The following PRDM16 variants were observed in gnomAD, a reference collection of about 807,000 sequenced individuals.
PRDM16 encodes the protein PR/SET domain 16.
PRDM16 carries 23 observed loss-of-function variants against 110.6 expected under a neutral mutation model. That is an observed-to-expected ratio of 0.21 (90% CI 0.15 to 0.29). The LOEUF (loss-of-function observed/expected upper bound fraction) is 0.29. Ranked by LOEUF, PRDM16 falls within the 10% of genes least tolerant of loss-of-function variation. The probability of loss-of-function intolerance (pLI) is 1.00; values close to 1 mark genes in which losing one functional copy is unlikely to be tolerated. For synonymous variants in PRDM16, 799 were observed against 781.8 expected (o/e 1.02, Z -0.37); for missense variants, 1,615 against 1,794.3 (o/e 0.90, Z 1.81).
chr1:3,103,368 C>T (rs912233567), intron 1 of PRDM16, among the ~76,000 whole-genome samples: 15 of 152,212 alleles, frequency 9.9e-5, no homozygotes, highest in African/African-American at 2.4e-4. Context: ...GATTAGGGCC[C>T]GTCCTAATGA....
intron 1 of PRDM16, among the ~76,000 whole-genome samples, chr1:3,181,164 G>T (rs980476703): frequency 6.5e-5 from 2 of 30,864 alleles, no homozygotes; most frequent in African/African-American, 1.0e-4. Context: ...TCTTACACGC[G>T]GTCTTACGGT....
intron 2 of PRDM16, among the ~76,000 whole-genome samples, chr1:3,241,500 G>C (rs1639673623): frequency 1.3e-5 from 2 of 152,220 alleles, no homozygotes. Context: ...GACGCCACAC[G>C]GTATGACTGG....
At position 3,201,370 on chromosome 1, in the gene PRDM16, G is replaced by A. The variant is rs796995050; in HGVS notation, c.387+14896G>A. On this transcript the variant is annotated intron_variant, in intron 2 of 16. Transcript: ENST00000270722. This position sits in a 1 kb window ranked among gnomAD's most constrained non-coding sequence, Gnocchi z 4.1. Reference sequence around the variant, plus strand: ...AGATGCAGCCTCGGCGCTCAGAGGCGGGTGTCCAGTCCCCAGAGAGGTGGC... The same window carrying A: ...AGATGCAGCCTCGGCGCTCAGAGGCAGGTGTCCAGTCCCCAGAGAGGTGGC... 8.5e-5 allele frequency among the ~76,000 whole-genome samples: 13 copies of A among 152,220 alleles called. No homozygotes were observed. Among genetic ancestry groups the A allele is most frequent in the African/African-American group, 1.4e-4 (6 of 41,532 alleles).
Position 3,432,251 on chromosome 1 carries a change from C to T in PRDM16, c.3696+111C>T, listed in dbSNP as rs76162834. 0.024 allele frequency: 21,248 copies of T among 895,530 alleles called. 973 individuals carry two copies. Among genetic ancestry groups the T allele is most frequent in the East Asian group, 0.16 (6,381 of 40,414 alleles). 55.5% of individuals were successfully genotyped at this position (895,530 alleles called of 1,614,324 possible). ...CCTAGGCCTGAGGAAGCTCTGGTCA[C>T]GCAAACGCCCCCACGCTGCATCCTC... On this transcript the variant is annotated intron_variant, in intron 16 of 16. Coordinates refer to ENST00000270722, the MANE Select transcript of PRDM16 (RefSeq NM_022114.4).
At chr1:3,200,618 A>G (rs1638599443) in intron 2 of PRDM16, among the ~76,000 whole-genome samples, 1 of 152,250 alleles carries the variant, frequency 6.6e-6, no homozygotes, top group Non-Finnish European at 1.5e-5. Context: ...CTGGGATTAC[A>G]GGCGTGAGCC....
rs1014181059 is a variant in PRDM16, at chr1:3,206,187, C to G, written c.387+19713C>G. ...TGAACCTACTCTGGGAGAACCAACA[C>G]CCCACACTAAGCCAGTGGCCCACAC... On this transcript the variant is annotated intron_variant, in intron 2 of 16. Coordinates refer to ENST00000270722, the MANE Select transcript of PRDM16 (RefSeq NM_022114.4). The surrounding 1 kb of genome is among the most constrained non-coding windows in gnomAD (Gnocchi z 4.9). 2 of 148,556 alleles carry G rather than the reference C, an allele frequency of 1.3e-5. No homozygotes were observed. The highest frequency in any genetic ancestry group is 6.6e-5 in the Admixed American group (1 of 15,092). 9.2% of individuals were successfully genotyped at this position (148,556 alleles called of 1,614,324 possible).
chr1:3,139,281 T>C (rs1237815790), intron 1 of PRDM16, among the ~76,000 whole-genome samples: 1 of 152,236 alleles, frequency 6.6e-6, no homozygotes, highest in Non-Finnish European at 1.5e-5. Context: ...CTTCTGCACC[T>C]GCCTTCCTTC....
chr1:3,103,799 T>C (rs999440976), intron 1 of PRDM16, among the ~76,000 whole-genome samples: 1 of 152,216 alleles, frequency 6.6e-6, no homozygotes, highest in Non-Finnish European at 1.5e-5. Context: ...TTTGTGGGGT[T>C]GAGCCTTTTC....
intron 3 of PRDM16, among the ~76,000 whole-genome samples, chr1:3,266,857 T>C (rs61445780): frequency 0.041 from 6,294 of 152,110 alleles, 271 homozygotes; most frequent in African/African-American, 0.11. Flanking sequence ...TTTGTATTTT[T>C]AGTAGAGACC....
At chr1:3,405,739 C>G in intron 8 of PRDM16, 91 bp downstream of exon 8, 1 of 1,345,114 alleles carries the variant, frequency 7.4e-7, no homozygotes, top group Non-Finnish European at 1.0e-6. Flanking sequence ...AAGGTCTCCC[C>G]CGATCCGAGG....
chr1:3,144,357 A>T (rs1643606298), intron 1 of PRDM16, among the ~76,000 whole-genome samples: 1 of 152,138 alleles, frequency 6.6e-6, no homozygotes, highest in African/African-American at 2.4e-5. Flanking sequence ...GCTCCTCCCC[A>T]TCCCAGCTGC....
intron 1 of PRDM16, among the ~76,000 whole-genome samples, chr1:3,138,383 T>G (rs973348107): frequency 6.6e-6 from 1 of 152,162 alleles, no homozygotes; most frequent in Non-Finnish European, 1.5e-5. Context: ...CGGGGAGGCA[T>G]CTGGGCTGTC....
In PRDM16 at chr1:3,417,877, T is replaced by A. The variant is rs201304831; in HGVS notation, c.2741T>A (p.Met914Lys). Residue 914 changes from methionine to lysine, a missense_variant, in exon 11 of 17, where the codon ATG (methionine) becomes AAG (lysine). Around this residue, in one of 5 missense-constraint regions of PRDM16, gnomAD observed 772 missense variants for 748.3 expected, o/e 1.03. Coordinates refer to ENST00000270722, the MANE Select transcript of PRDM16 (RefSeq NM_022114.4). Reference protein sequence around the residue: ...MTEKLESFAAMKADSGSSLQP... With the variant: ...MTEKLESFAAKKADSGSSLQP... ...GAGAAGCTGGAGAGCTTTGCAGCCA[T>A]GAAGGCGGACTCGGGCAGCTCCCTG... 6.2e-7 allele frequency: 1 copy of A among 1,613,886 alleles called. No homozygotes were observed. The highest frequency in any genetic ancestry group is 2.2e-5 in the East Asian group (1 of 44,876).
At chr1:3,365,980 G>A (rs151170636) in intron 3 of PRDM16, among the ~76,000 whole-genome samples, 5 of 144,912 alleles carry the variant, frequency 3.5e-5, no homozygotes, top group East Asian at 3.9e-4. Context: ...ACGCACACAC[G>A]CACACAAACA....
At chr1:3,369,739 C>T (rs139016765) in intron 3 of PRDM16, among the ~76,000 whole-genome samples, 21 of 152,368 alleles carry the variant, frequency 1.4e-4, no homozygotes, top group East Asian at 9.6e-4. Context: ...TTTTTATGCA[C>T]GCATACCTGG....
At chr1:3,336,784 G>T (rs1324618082) in intron 3 of PRDM16, among the ~76,000 whole-genome samples, 1 of 151,626 alleles carries the variant, frequency 6.6e-6, no homozygotes, top group East Asian at 2.0e-4. Context: ...ATCTGTGTGT[G>T]AATGCATGCA....
chr1:3,138,941 C>T (rs1289706093), intron 1 of PRDM16, among the ~76,000 whole-genome samples: 3 of 152,102 alleles, frequency 2.0e-5, no homozygotes, highest in African/African-American at 4.8e-5. Context: ...CCGTTCCTTG[C>T]GCTGGCCTCT....
At chr1:3,289,688 A>G (rs1640929417) in intron 3 of PRDM16, among the ~76,000 whole-genome samples, 1 of 152,136 alleles carries the variant, frequency 6.6e-6, no homozygotes, top group African/African-American at 2.4e-5. Flanking sequence ...AGGGGAGGGA[A>G]CGGCACAGGC....
chr1:3,197,682 A>G (rs773952050), intron 2 of PRDM16, among the ~76,000 whole-genome samples: 7 of 152,196 alleles, frequency 4.6e-5, no homozygotes, highest in Admixed American at 6.5e-5. Context: ...CGCAGGGAGC[A>G]GAATGGGTGG....
Sources: allele counts gnomAD v4.1 joint callset (sites outside exome capture counted in the v4.1 genomes callset), GRCh38; gene constraint gnomAD v4.1.1; regional missense constraint gnomAD v4.1.1; non-coding constraint Gnocchi (gnomAD v3.1); transcripts MANE v1.5; gene names NCBI Gene and HGNC (gene_info 2026-07-23, HGNC 2026-07-21).